Variants in PPP1R12A observed in about 807,000 individuals in gnomAD.
PPP1R12A encodes protein phosphatase 1 regulatory subunit 12A.
A neutral mutation model predicts 139.6 loss-of-function variants in PPP1R12A; 19 were observed. The ratio of observed to expected loss-of-function variants is 0.14; its 90% CI spans 0.09 to 0.20. The LOEUF (loss-of-function observed/expected upper bound fraction) is 0.20, where lower values mean the gene tolerates loss of function less well. PPP1R12A is among the 10% of genes least tolerant of loss of function. PPP1R12A has a pLI of 1.00. For synonymous variants in PPP1R12A, 427 were observed against 420.6 expected (o/e 1.02, Z -0.19); for missense variants, 925 against 1,211.5 (o/e 0.76, Z 3.51).
At chr12:79,914,044 C>T (rs1051106267) in intron 1 of PPP1R12A, 1 of 152,004 alleles carries the variant, frequency 6.6e-6, no homozygotes, top group East Asian at 1.9e-4. Flanking sequence ...CTTTTTGTTT[C>T]GTAAAATACA....
chr12:79,774,607 G>A lies in PPP1R12A; in HGVS notation c.*1322C>T, dbSNP rs1281388113. ...TCCAAATAAAAGCCATCGTCACTATGTACTTGGTTTTGCGCTTTTTTTTCC... is the reference window on the plus strand; with the variant it reads ...TCCAAATAAAAGCCATCGTCACTATATACTTGGTTTTGCGCTTTTTTTTCC... On this transcript the variant is annotated 3_prime_UTR_variant, in exon 25 of 25. Coordinates refer to ENST00000450142, the MANE Select transcript of PPP1R12A (RefSeq NM_002480.3). 7.1e-6 allele frequency: 1 copy of A among 141,278 alleles called. No individual in the cohort carries two copies. The highest frequency in any genetic ancestry group is 2.7e-5 in the African/African-American group (1 of 37,390). 8.8% of individuals were successfully genotyped at this position (141,278 alleles called of 1,614,324 possible). A position where few individuals can be genotyped will look rare whatever the true frequency, so the allele number is the denominator to read the frequency against.
At chr12:79,914,855 C>G (rs1282940491) in intron 1 of PPP1R12A, among the ~76,000 whole-genome samples, 2 of 150,314 alleles carry the variant, frequency 1.3e-5, no homozygotes, top group Admixed American at 1.3e-4. Context: ...ATCTGGTTTT[C>G]TATTAAAAAA....
chr12:79,834,231 A>C (rs1486183209), intron 3 of PPP1R12A, among the ~76,000 whole-genome samples: 1 of 152,212 alleles, frequency 6.6e-6, no homozygotes, highest in Non-Finnish European at 1.5e-5. Flanking sequence ...ACAAGAAATA[A>C]AGTGAGTGAC....
chr12:79,916,757 A>G (rs2136930761), intron 1 of PPP1R12A, among the ~76,000 whole-genome samples: 1 of 152,322 alleles, frequency 6.6e-6, no homozygotes, highest in Non-Finnish European at 1.5e-5. Context: ...ATACAGAAAT[A>G]AATACTGAAC....
At chr12:79,880,308 A>T (rs1191247845) in intron 1 of PPP1R12A, among the ~76,000 whole-genome samples, 1 of 152,172 alleles carries the variant, frequency 6.6e-6, no homozygotes, top group Non-Finnish European at 1.5e-5. Flanking sequence ...TTTGAAGATT[A>T]TATAAGAGTT....
In PPP1R12A at chr12:79,860,219, A is replaced by G. The variant is rs995072060; in HGVS notation, c.368+12589T>C. Among the ~76,000 whole-genome samples the G allele has an allele frequency of 2.0e-5, 3 of 152,352 alleles. No individual in the cohort carries two copies. In the East Asian group the frequency reaches 5.8e-4, roughly 29 times the overall value. On this transcript the variant is annotated intron_variant, in intron 2 of 24. Transcript: ENST00000450142. ...GAAAAGATTATATCCAAATAATTACACCAGAAACCAAAATGTTAATCATTC... is the reference window on the plus strand; with the variant it reads ...GAAAAGATTATATCCAAATAATTACGCCAGAAACCAAAATGTTAATCATTC...
chr12:79,925,369 C>T (rs1887760542), intron 1 of PPP1R12A, among the ~76,000 whole-genome samples: 1 of 152,150 alleles, frequency 6.6e-6, no homozygotes. Context: ...TTCTCCTCTG[C>T]ACTATGCAGT....
At chr12:79,822,807 C>T (rs1876275527) in intron 5 of PPP1R12A, among the ~76,000 whole-genome samples, 1 of 138,312 alleles carries the variant, frequency 7.2e-6, no homozygotes, top group Non-Finnish European at 1.5e-5. Flanking sequence ...AGGTGGACAT[C>T]TGCATTTTTT....
In PPP1R12A at chr12:79,806,341, A is replaced by T. The variant is rs1171924057; in HGVS notation, c.1656-8T>A. On this transcript the variant is annotated splice_polypyrimidine_tract_variant and splice_region_variant and intron_variant, in intron 12 of 24. Coordinates refer to ENST00000450142, the MANE Select transcript of PPP1R12A (RefSeq NM_002480.3). ...CTTCTACCAAAGGAGCAACTAAACA[A>T]AAGAGTCATATCTATATAGGATGTG... 1 of 1,609,506 alleles carries T rather than the reference A, an allele frequency of 6.2e-7. No individual in the cohort carries two copies. The highest frequency in any genetic ancestry group is 8.5e-7 in the Non-Finnish European group (1 of 1,176,010).
chr12:79,919,142 TC>T (rs1169788124), intron 1 of PPP1R12A, among the ~76,000 whole-genome samples: 2 of 152,016 alleles, frequency 1.3e-5, no homozygotes, highest in Non-Finnish European at 2.9e-5. Context: ...TCTGTGCACT[TC>T]CAGATCTTTA....
intron 1 of PPP1R12A, among the ~76,000 whole-genome samples, chr12:79,914,727 T>C (rs1363768234): frequency 6.6e-6 from 1 of 152,046 alleles, no homozygotes; most frequent in Non-Finnish European, 1.5e-5. Context: ...TTTGGTCCCT[T>C]TCCTGGAAAT....
chr12:79,806,989 T>A, intron 12 of PPP1R12A: 1 of 299,726 alleles, frequency 3.3e-6, no homozygotes, highest in African/African-American at 2.2e-5. Context: ...TTTAAATATG[T>A]AACAATCCAA....
At chr12:79,861,935 G>GCCTAACAGCT (rs1176929874) in intron 2 of PPP1R12A, among the ~76,000 whole-genome samples, 2 of 152,186 alleles carry the variant, frequency 1.3e-5, no homozygotes, top group Non-Finnish European at 2.9e-5. Flanking sequence ...AAACGTCTGT[G>GCCTAACAGCT]CCTAACAGCT....
chr12:79,850,139 G>A (rs1203778776), intron 2 of PPP1R12A, among the ~76,000 whole-genome samples: 1 of 152,136 alleles, frequency 6.6e-6, no homozygotes, highest in Non-Finnish European at 1.5e-5. Context: ...TTGTAGAAAT[G>A]AAAAATGGTA....
intron 2 of PPP1R12A, among the ~76,000 whole-genome samples, chr12:79,861,505 G>T (rs1881306377): frequency 6.6e-6 from 1 of 152,174 alleles, no homozygotes; most frequent in South Asian, 2.1e-4. Context: ...AGCAGGGCGG[G>T]GTGTTGCCTC....
At chr12:79,905,752 T>A (rs949883430) in intron 1 of PPP1R12A, among the ~76,000 whole-genome samples, 2 of 152,206 alleles carry the variant, frequency 1.3e-5, no homozygotes, top group Non-Finnish European at 2.9e-5. Context: ...GTAGAAGAAA[T>A]CATTGAATTG....
Position 79,773,857 on chromosome 12 carries a change from A to C in PPP1R12A, c.*2072T>G, listed in dbSNP as rs1869485282. On this transcript the variant is annotated 3_prime_UTR_variant, in exon 25 of 25. Coordinates refer to ENST00000450142, the MANE Select transcript of PPP1R12A (RefSeq NM_002480.3). Reference sequence around the variant, plus strand: ...TATTCATTTTATTTGTATATGTCAAAATACATTTTTATTTCCAAAATAGTG... The same window carrying C: ...TATTCATTTTATTTGTATATGTCAACATACATTTTTATTTCCAAAATAGTG... The C allele has an allele frequency of 6.6e-6, 1 of 152,202 alleles. No homozygotes were observed. The highest frequency in any genetic ancestry group is 1.5e-5 in the Non-Finnish European group (1 of 68,034). The allele number at this position is 152,202 out of a possible 1,614,324, so 9.4% of individuals were successfully genotyped here. A position where few individuals can be genotyped will look rare whatever the true frequency, so the allele number is the denominator to read the frequency against.
intron 1 of PPP1R12A, among the ~76,000 whole-genome samples, chr12:79,912,147 A>C (rs1592819203): frequency 6.6e-6 from 1 of 152,210 alleles, no homozygotes; most frequent in East Asian, 1.9e-4. Flanking sequence ...TCCACCCTCG[A>C]CCATCAACTC....
At chr12:79,862,414 C>A (rs2137287406) in intron 2 of PPP1R12A, among the ~76,000 whole-genome samples, 1 of 152,238 alleles carries the variant, frequency 6.6e-6, no homozygotes, top group Non-Finnish European at 1.5e-5. Context: ...TCTACTCCTC[C>A]AAAGGAACAC....
Sources: gnomAD v4.1 joint callset for allele counts (sites outside exome capture counted in the v4.1 genomes callset) on GRCh38, gnomAD v4.1.1 for gene constraint, MANE v1.5 for transcripts, NCBI Gene and HGNC (gene_info 2026-07-23, HGNC 2026-07-21) for gene names.